The following KIAA1755 variants were observed in gnomAD, a reference collection of about 807,000 sequenced individuals.
KIAA1755 encodes KIAA1755.
Under a neutral mutation model 91.7 loss-of-function variants are expected in KIAA1755, and 68 were observed. The observed-to-expected ratio is 0.74, with a 90% CI of 0.61 to 0.91. The LOEUF (loss-of-function observed/expected upper bound fraction) is 0.91, where lower values mean the gene tolerates loss of function less well. KIAA1755 is among the 40% of genes least tolerant of loss of function. KIAA1755 has a pLI of 0.00. For missense variants in KIAA1755, 1,535 were observed against 1,494.4 expected, an observed-to-expected ratio of 1.03 and a Z score of -0.45; for synonymous variants, 610 against 604.6, an observed-to-expected ratio of 1.01 and a Z score of -0.13.
rs776922946 is a variant in KIAA1755, at chr20:38,213,544, C to T, written c.3101G>A (p.Trp1034Ter). 1.3e-4 allele frequency: 210 copies of T among 1,609,032 alleles called. 1 individual carries two copies. Among genetic ancestry groups the T allele is most frequent in the Non-Finnish European group, 1.7e-4 (203 of 1,177,858 alleles). ...CTCATGCCTGATCCGGGCCTCCTCC[C>T]ATAGCTCCTGGCCCAGGCCTGCCCG... ...LSRAGLGQEL[W>*]EEARIRHEEI... Residue 1034 changes from tryptophan to a stop codon, truncating the protein, a stop_gained, in exon 14 of 14, where the codon TGG becomes TAG. Coordinates refer to ENST00000279024, the MANE Select transcript of KIAA1755 (RefSeq NM_001029864.2). LOFTEE classifies it low-confidence loss of function (END_TRUNC).
At chr20:38,239,448 C>T in intron 4 of KIAA1755, 80 bp downstream of exon 4, 1 of 1,302,430 alleles carries the variant, frequency 7.7e-7, no homozygotes, top group South Asian at 1.2e-5. Flanking sequence ...TCCCTGCCTC[C>T]CCTCCACCCA....
At chr20:38,255,659 A>G (rs2076329027) in intron 1 of KIAA1755, among the ~76,000 whole-genome samples, 1 of 152,132 alleles carries the variant, frequency 6.6e-6, no homozygotes, top group Non-Finnish European at 1.5e-5. Context: ...CTTCCAACTA[A>G]AACTTCTGCT....
At chr20:38,215,713 C>G (rs1442560740) in intron 13 of KIAA1755, among the ~76,000 whole-genome samples, 1 of 152,154 alleles carries the variant, frequency 6.6e-6, no homozygotes, top group African/African-American at 2.4e-5. Context: ...TTTGATCGAT[C>G]CGGGAAGGCC....
At chr20:38,257,595 A>AC (rs1488406833) in intron 1 of KIAA1755, among the ~76,000 whole-genome samples, 7 of 151,992 alleles carry the variant, frequency 4.6e-5, no homozygotes, top group African/African-American at 1.4e-4. Context: ...AAAAAAAAAA[A>AC]AAAAAACCTG....
In KIAA1755 at chr20:38,241,941, A is replaced by G. The variant is rs945098421; in HGVS notation, c.202-12T>C. 16 of 1,602,426 alleles carry G rather than the reference A, an allele frequency of 1.0e-5. No individual in the cohort carries two copies. Among genetic ancestry groups the G allele is most frequent in the Non-Finnish European group, 1.4e-5 (16 of 1,173,624 alleles). On this transcript the variant is annotated splice_polypyrimidine_tract_variant and intron_variant, in intron 2 of 13. Coordinates refer to ENST00000279024, the MANE Select transcript of KIAA1755 (RefSeq NM_001029864.2). ...TGTGAGTAGGGAGCCTGTGGAGAGA[A>G]GGGGATGGCATCAGAGAACCTGGCC...
At chr20:38,248,363 G>A (rs953747673) in intron 1 of KIAA1755, among the ~76,000 whole-genome samples, 1 of 152,188 alleles carries the variant, frequency 6.6e-6, no homozygotes, top group Non-Finnish European at 1.5e-5. Context: ...GCAAGCAAAT[G>A]GATTCTCCCC....
Position 38,210,727 on chromosome 20 carries a change from G to A in KIAA1755, c.*2315C>T, listed in dbSNP as rs2075442225. On this transcript the variant is annotated 3_prime_UTR_variant, in exon 14 of 14. Coordinates refer to ENST00000279024, the MANE Select transcript of KIAA1755 (RefSeq NM_001029864.2). Reference sequence around the variant, plus strand: ...CCCCTTCCTTCTAGCAGTAGCTGTGGTCTCTCACAAGTCAGTTTCCATCCC... The same window carrying A: ...CCCCTTCCTTCTAGCAGTAGCTGTGATCTCTCACAAGTCAGTTTCCATCCC... 6.6e-6 allele frequency: 1 copy of A among 152,250 alleles called. No homozygotes were observed. The highest frequency in any genetic ancestry group is 2.1e-4 in the South Asian group (1 of 4,820). The allele number at this position is 152,250 out of a possible 1,614,324, so 9.4% of individuals were successfully genotyped here.
chr20:38,255,921 A>G (rs948241004), intron 1 of KIAA1755, among the ~76,000 whole-genome samples: 4 of 151,848 alleles, frequency 2.6e-5, no homozygotes, highest in Non-Finnish European at 5.9e-5. Flanking sequence ...TGGGCTCACC[A>G]TCTCCCACCC....
At chr20:38,251,802 G>A (rs1022533606) in intron 1 of KIAA1755, among the ~76,000 whole-genome samples, 2 of 152,142 alleles carry the variant, frequency 1.3e-5, no homozygotes, top group Non-Finnish European at 2.9e-5. Flanking sequence ...CTGACCTCAG[G>A]TGATCCGCCC....
At chr20:38,248,862 T>TTTTGTTTG (rs145931901) in intron 1 of KIAA1755, among the ~76,000 whole-genome samples, 2 of 148,918 alleles carry the variant, frequency 1.3e-5, no homozygotes, top group Non-Finnish European at 3.0e-5. Flanking sequence ...TGCTTGGCCT[T>TTTTGTTTG]TTTGTTTGTT....
Position 38,223,624 on chromosome 20 carries a change from A to C in KIAA1755, c.2182T>G (p.Phe728Val). The change falls in exon 9 of 14, where the codon TTC becomes GTC. Residue 728 changes from phenylalanine (F) to valine (V), a missense_variant. Phe to Val is a conservative substitution (Grantham distance 50). Coordinates refer to ENST00000279024, the MANE Select transcript of KIAA1755 (RefSeq NM_001029864.2). ...GAGGCCTGGTGGAGGTCAGCAAGGA[A>C]AGGGTCCAGCTTCTGCAGGACAGAG... is the stretch of plus-strand genomic sequence containing the variant. Reference protein sequence around the residue: ...WVHFFQKLDPFLADLHQASSL... With the variant: ...WVHFFQKLDPVLADLHQASSL... The C allele has an allele frequency of 5.0e-6, 8 of 1,605,642 alleles. No individual in the cohort carries two copies. The highest frequency in any genetic ancestry group is 5.9e-6 in the Non-Finnish European group (7 of 1,176,612).
Position 38,212,700 on chromosome 20 carries a change from G to C in KIAA1755, c.*342C>G, listed in dbSNP as rs776395857. On this transcript the variant is annotated 3_prime_UTR_variant, in exon 14 of 14. Coordinates refer to ENST00000279024, the MANE Select transcript of KIAA1755 (RefSeq NM_001029864.2). ...GAGCTGTGTATGTTCCTGAGCTGCAGGTGGGTGTCTGCCTGCCTGCGAGCG... is the reference window on the plus strand; with the variant it reads ...GAGCTGTGTATGTTCCTGAGCTGCACGTGGGTGTCTGCCTGCCTGCGAGCG... 1.2e-4 allele frequency: 26 copies of C among 214,604 alleles called. No individual in the cohort carries two copies. Among genetic ancestry groups the C allele is most frequent in the Non-Finnish European group, 1.5e-4 (16 of 106,688 alleles). The allele number at this position is 214,604 out of a possible 1,614,324, so 13.3% of individuals were successfully genotyped here. A position where few individuals can be genotyped will look rare whatever the true frequency, so the allele number is the denominator to read the frequency against.
Position 38,213,046 on chromosome 20 carries a change from A to T in KIAA1755, c.3599T>A (p.Leu1200His). 1 of 1,537,408 alleles carries T rather than the reference A, an allele frequency of 6.5e-7. No homozygotes were observed. The highest frequency in any genetic ancestry group is 1.3e-5 in the South Asian group (1 of 79,498). The change falls in exon 14 of 14, where the codon CTC (leucine) becomes CAC (histidine). Residue 1200 changes from leucine to histidine, a missense_variant. Transcript: ENST00000279024. Reference sequence around the variant, plus strand: ...GCGACTGAAGGGGCCTCTCAGCTAGAGGGAGGCAAGGGGACTTGTCTGGGG... The same window carrying T: ...GCGACTGAAGGGGCCTCTCAGCTAGTGGGAGGCAAGGGGACTTGTCTGGGG... Reference protein sequence around the residue: ...DSPQTSPLASL With the variant: ...DSPQTSPLASH
At chr20:38,239,847 G>T in intron 3 of KIAA1755, 122 bp from the exon 4 acceptor site, 1 of 916,502 alleles carries the variant, frequency 1.1e-6, no homozygotes, top group Non-Finnish European at 1.7e-6. Flanking sequence ...TCTCCCATGT[G>T]CCAGGCATTG....
chr20:38,259,820 CCACACACACACACA>C (rs57325877), intron 1 of KIAA1755, among the ~76,000 whole-genome samples: 3 of 138,800 alleles, frequency 2.2e-5, no homozygotes, highest in East Asian at 2.1e-4. Flanking sequence ...ACCACCACCA[CCACACACACACACA>C]CACACACACA....
chr20:38,225,948 C>T (rs1448048295), intron 7 of KIAA1755, among the ~76,000 whole-genome samples, 167 bp from the exon 8 acceptor site: 1 of 152,210 alleles, frequency 6.6e-6, no homozygotes, highest in Non-Finnish European at 1.5e-5. Flanking sequence ...GAAACTCTGA[C>T]AAATCAAAAT....
chr20:38,217,297 T>C lies in KIAA1755; in HGVS notation c.2857A>G (p.Thr953Ala). The change falls in exon 13 of 14, where the codon ACG becomes GCG. Residue 953 changes from threonine to alanine, a missense_variant. Coordinates refer to ENST00000279024, the MANE Select transcript of KIAA1755 (RefSeq NM_001029864.2). ...HFYMAAERQR[T>A]DLETLLHLHR... The stretch of plus-strand genomic sequence containing the variant: ...AGGTGGAGCAGCGTCTCGAGGTCCG[T>C]GCGTTGCCGCTCGGCCGCCATGTAA... 6.2e-7 allele frequency: 1 copy of C among 1,608,238 alleles called. No homozygotes were observed. Among genetic ancestry groups the C allele is most frequent in the Non-Finnish European group, 8.5e-7 (1 of 1,177,988 alleles).
intron 13 of KIAA1755, among the ~76,000 whole-genome samples, chr20:38,214,369 G>A (rs542645394): frequency 6.6e-6 from 1 of 152,198 alleles, no homozygotes; most frequent in Non-Finnish European, 1.5e-5. Flanking sequence ...CTTTTGAGAG[G>A]TGAAATTCCT....
Position 38,240,863 on chromosome 20 carries a change from G to T in KIAA1755, c.1268C>A (p.Pro423His), listed in dbSNP as rs769822961. ...LRPGPRQASS[P>H]RLSPASPAAA... ...TGCAGGAGAAGCTGGGGACAGGCGG[G>T]GAGAGGAGGCTTGTCTTGGTCCAGG... The change falls in exon 3 of 14, where the codon CCC becomes CAC. Residue 423 changes from proline to histidine, a missense_variant. Pro to His is a moderately conservative substitution (Grantham distance 77). Transcript: ENST00000279024. The T allele has an allele frequency of 6.2e-7, 1 of 1,614,080 alleles. No homozygotes were observed. The highest frequency in any genetic ancestry group is 1.7e-5 in the Admixed American group (1 of 60,028).
Sources: gnomAD v4.1 joint callset for allele counts (sites outside exome capture counted in the v4.1 genomes callset) on GRCh38, gnomAD v4.1.1 for gene constraint, MANE v1.5 for transcripts, NCBI Gene and HGNC (gene_info 2026-07-23, HGNC 2026-07-21) for gene names.